KANSL3: variants seen among roughly 807,000 people sequenced by gnomAD.
KANSL3 encodes NSL complex protein NSL3.
KANSL3 carries 16 observed loss-of-function variants against 89.2 expected under a neutral mutation model. That is an observed-to-expected ratio of 0.18 (90% confidence interval 0.12 to 0.27). KANSL3 has a LOEUF of 0.27. Ranked by LOEUF, KANSL3 falls within the 10% of genes least tolerant of loss-of-function variation. The probability of loss-of-function intolerance (pLI) is 1.00; values close to 1 mark genes in which losing one functional copy is unlikely to be tolerated. For missense variants in KANSL3, 879 were observed against 1,110.6 expected (o/e 0.79, Z 2.96); for synonymous variants, 385 against 419.7 (o/e 0.92, Z 1.01).
chr2:96,605,353 G>GAGCACAAGA lies in KANSL3; in HGVS notation c.1899_1900insTCTTGTGCT (p.Gly633_Pro634insSerCysAla). ...GCACTTCCTTGGGAAGGAGCACAAGGCCCTCCAGCTGTGTCCCCTTGGGAG... is the reference window on the plus strand; with the variant it reads ...GCACTTCCTTGGGAAGGAGCACAAGGAGCACAAGACCCTCCAGCTGTGTCCCCTTGGGAG... On this transcript the variant is annotated inframe_insertion, in exon 15 of 21. Coordinates refer to ENST00000431828, the MANE Select transcript of KANSL3 (RefSeq NM_001115016.3). The GAGCACAAGA allele has an allele frequency of 6.2e-7, 1 of 1,613,164 alleles. No homozygotes were observed. The highest frequency in any genetic ancestry group is 1.8e-4 in the Middle Eastern group (1 of 5,712).
chr2:96,613,453 T>G, intron 6 of KANSL3, 35 bp downstream of exon 6: 1 of 1,562,804 alleles, frequency 6.4e-7, no homozygotes, highest in Non-Finnish European at 8.7e-7. Flanking sequence ...AAAATTTTTA[T>G]GTACCATTGT....
the KANSL3 span, among the ~76,000 whole-genome samples, chr2:96,580,660 T>C: frequency 3.9e-5 from 6 of 152,262 alleles, no homozygotes; most frequent in African/African-American, 9.6e-5. Context: ...TTCATTATAC[T>C]GTATAGTTTC....
chr2:96,627,103 T>C (rs2072480175), intron 3 of KANSL3, among the ~76,000 whole-genome samples: 1 of 152,236 alleles, frequency 6.6e-6, no homozygotes, highest in African/African-American at 2.4e-5. Flanking sequence ...CTGTCATAGT[T>C]AGACAACCAC....
intron 2 of KANSL3, among the ~76,000 whole-genome samples, chr2:96,632,876 G>T (rs140203375): frequency 1.3e-5 from 2 of 150,094 alleles, no homozygotes; most frequent in African/African-American, 4.9e-5. Context: ...TGAGGAAGGA[G>T]AACGGTGTGA....
At chr2:96,626,503 G>A (rs372386985) in intron 3 of KANSL3, among the ~76,000 whole-genome samples, 12 of 152,154 alleles carry the variant, frequency 7.9e-5, no homozygotes, top group African/African-American at 2.7e-4. Flanking sequence ...GGGTGTTTTT[G>A]GCTGGAATTC....
chr2:96,627,680 A>G (rs1324448302), intron 3 of KANSL3, among the ~76,000 whole-genome samples: 1 of 152,222 alleles, frequency 6.6e-6, no homozygotes, highest in Non-Finnish European at 1.5e-5. Flanking sequence ...TACACCGTTC[A>G]TGGAGCTCTT....
intron 6 of KANSL3, 67 bp from the exon 7 acceptor site, chr2:96,613,001 T>C (rs1260988317): frequency 1.9e-6 from 2 of 1,034,348 alleles, no homozygotes; most frequent in African/African-American, 1.6e-5. Flanking sequence ...ATTCCAAGTA[T>C]CCCAATACCT....
In KANSL3 at chr2:96,595,659, G is replaced by A. The variant is rs368848386; in HGVS notation, c.2617-28C>T. 87 of 1,613,214 alleles carry A rather than the reference G, an allele frequency of 5.4e-5. No individual in the cohort carries two copies. The East Asian group carries it at 1.5e-3, about 28-fold the overall frequency. ...GTGGCAGGAGAGGTAGTGAAGAAGGGTCAAAGCTTTGACAGGTTATCATCA... is the reference window on the plus strand; with the variant it reads ...GTGGCAGGAGAGGTAGTGAAGAAGGATCAAAGCTTTGACAGGTTATCATCA... On this transcript the variant is annotated intron_variant, in intron 20 of 20. Transcript: ENST00000431828.
rs377495542 is a variant in KANSL3, at chr2:96,607,322, C to T, written c.1741+1186G>A. ...ACACAGCAAGGACTCCATATATGTT[C>T]GCTATTAGTATTCCCCGTTTGCCCA... On this transcript the variant is annotated intron_variant, in intron 14 of 20. Coordinates refer to ENST00000431828, the MANE Select transcript of KANSL3 (RefSeq NM_001115016.3). Among the ~76,000 whole-genome samples, 115 of 152,256 alleles carry T rather than the reference C, an allele frequency of 7.6e-4. 3 individuals carry two copies. In the South Asian group the frequency reaches 0.023, roughly 31 times the overall value.
intron 2 of KANSL3, among the ~76,000 whole-genome samples, chr2:96,632,392 G>A (rs1206956070): frequency 6.6e-6 from 1 of 151,978 alleles, no homozygotes; most frequent in Non-Finnish European, 1.5e-5. Context: ...AGCCCAGGAG[G>A]TTGAGGCTAC....
chr2:96,599,884 T>G (rs1349056769), intron 20 of KANSL3: 1 of 155,194 alleles, frequency 6.4e-6, no homozygotes, highest in East Asian at 1.9e-4. Context: ...TGGCTAGAAT[T>G]GTAAAGTAGC....
Position 96,608,645 on chromosome 2 carries a change from C to T in KANSL3, c.1604G>A (p.Ser535Asn), listed in dbSNP as rs772587224. Residue 535 changes from serine (S) to asparagine (N), a missense_variant, in exon 14 of 21, where the codon AGC becomes AAC. By Grantham distance (46) the Ser-to-Asn change is conservative. Coordinates refer to ENST00000431828, the MANE Select transcript of KANSL3 (RefSeq NM_001115016.3). ...SGSEDLSSVS[S>N]SPTSSPKTKV... Reference sequence around the variant, plus strand: ...GGTCTTGGGACTGGAGGTGGGGCTGCTGGACACACTGGAGAGATCCTGAGT... The same window carrying T: ...GGTCTTGGGACTGGAGGTGGGGCTGTTGGACACACTGGAGAGATCCTGAGT... The T allele has an allele frequency of 6.2e-7, 1 of 1,614,016 alleles. No homozygotes were observed. The highest frequency in any genetic ancestry group is 1.7e-5 in the Admixed American group (1 of 60,030).
chr2:96,622,523 A>G (rs1320509347), intron 3 of KANSL3, among the ~76,000 whole-genome samples: 4 of 152,188 alleles, frequency 2.6e-5, no homozygotes, highest in African/African-American at 4.8e-5. Flanking sequence ...GGTACAAAAG[A>G]ACTCTCTCTG....
chr2:96,615,557 A>G lies in KANSL3; in HGVS notation c.664-1938T>C, dbSNP rs555127343. 5.6e-5 allele frequency: 71 copies of G among 1,268,312 alleles called. No individual in the cohort carries two copies. In the East Asian group the frequency reaches 2.8e-3, roughly 50 times the overall value. 78.6% of individuals were successfully genotyped at this position (1,268,312 alleles called of 1,614,324 possible). A position where few individuals can be genotyped will look rare whatever the true frequency, so the allele number is the denominator to read the frequency against. ...AGGTCAAAATGACCTAGGGGAAAGG[A>G]AAAATGTTTAAATATTAGAGGCAGT... On this transcript the variant is annotated intron_variant, in intron 5 of 20. Transcript: ENST00000431828.
chr2:96,583,977 T>C, the KANSL3 span, among the ~76,000 whole-genome samples: 1 of 152,244 alleles, frequency 6.6e-6, no homozygotes, highest in African/African-American at 2.4e-5. Flanking sequence ...TACTGAAAAC[T>C]CTTTCATGTG....
chr2:96,620,783 G>A (rs1326640598), intron 3 of KANSL3, among the ~76,000 whole-genome samples: 1 of 151,596 alleles, frequency 6.6e-6, no homozygotes, highest in Non-Finnish European at 1.5e-5. Context: ...GGAGTGGATC[G>A]CTTGAGTCCA....
At position 96,593,526 on chromosome 2, in the gene KANSL3, C is replaced by T. The variant is rs143193386; in HGVS notation, c.*2085G>A. On this transcript the variant is annotated 3_prime_UTR_variant, in exon 21 of 21. Transcript: ENST00000431828. ...CGTGACTCTAGGCCTCAGCCACTTC[C>T]TCTGTTACCCTGTGCAAGTTGTAGA... 7.5e-4 allele frequency: 266 copies of T among 352,450 alleles called. 2 individuals carry two copies. Among genetic ancestry groups the T allele is most frequent in the Admixed American group, 3.0e-3 (80 of 26,574 alleles). 21.8% of individuals were successfully genotyped at this position (352,450 alleles called of 1,614,324 possible).
intron 3 of KANSL3, among the ~76,000 whole-genome samples, chr2:96,620,944 G>A (rs1485850114): frequency 6.6e-6 from 1 of 152,162 alleles, no homozygotes; most frequent in African/African-American, 2.4e-5. Context: ...TGAGGCTGCA[G>A]TGAGCCGTGA....
rs753521299 is a variant in KANSL3 at position 96,608,680 on chromosome 2, A to G, written c.1585-16T>C. The stretch of plus-strand genomic sequence containing the variant: ...TGGAGAGATCCTGAGTAAGGTGAGA[A>G]GGTCAAGAGATGAGACAATGTTACT... On this transcript the variant is annotated splice_polypyrimidine_tract_variant and intron_variant, in intron 13 of 20. Coordinates refer to ENST00000431828, the MANE Select transcript of KANSL3 (RefSeq NM_001115016.3). 1 of 1,614,008 alleles carries G rather than the reference A, an allele frequency of 6.2e-7. No individual in the cohort carries two copies. The highest frequency in any genetic ancestry group is 8.5e-7 in the Non-Finnish European group (1 of 1,179,878).
Sources: allele counts gnomAD v4.1 joint callset (sites outside exome capture counted in the v4.1 genomes callset), GRCh38; gene constraint gnomAD v4.1.1; transcripts MANE v1.5; gene names NCBI Gene and HGNC (gene_info 2026-07-23, HGNC 2026-07-21).